DRAM1: variants seen among roughly 807,000 people sequenced by gnomAD.
The protein encoded by DRAM1 is DNA damage regulated autophagy modulator 1, also known as DNA damage-regulated autophagy modulator protein 1.
DRAM1 carries 25 observed loss-of-function variants against 28.5 expected under a neutral mutation model. The ratio of observed to expected loss-of-function variants is 0.88; its 90% CI spans 0.64 to 1.23. The LOEUF is 1.23. Ranked by LOEUF, DRAM1 falls within the 50% of genes most tolerant of loss-of-function variation. DRAM1 has a pLI of 0.00. For synonymous variants in DRAM1, 113 were observed against 114.2 expected (o/e 0.99, Z 0.07); for missense variants, 249 against 299.2 (o/e 0.83, Z 1.24).
intron 1 of DRAM1, among the ~76,000 whole-genome samples, chr12:101,893,957 G>T (rs758197732): frequency 6.6e-6 from 1 of 151,340 alleles, no homozygotes; most frequent in African/African-American, 2.4e-5. Flanking sequence ...TTGAGACAAG[G>T]TCTCACTCTG....
chr12:101,899,146 A>G (rs952537693), intron 2 of DRAM1, among the ~76,000 whole-genome samples: 1 of 152,096 alleles, frequency 6.6e-6, no homozygotes, highest in Admixed American at 6.6e-5. Context: ...TGTTCATCCT[A>G]CTTGGTAGCA....
chr12:101,907,226 A>G (rs7312471), intron 3 of DRAM1, among the ~76,000 whole-genome samples: 1 of 149,334 alleles, frequency 6.7e-6, no homozygotes. Flanking sequence ...AAAGAAGAAA[A>G]AAGAAGCTGC....
chr12:101,886,814 T>C (rs1872900772), intron 1 of DRAM1, among the ~76,000 whole-genome samples: 2 of 152,218 alleles, frequency 1.3e-5, no homozygotes, highest in South Asian at 2.1e-4. Context: ...TATTAACTGT[T>C]GATCTGTGTA....
At chr12:101,900,542 T>G (rs1873561259) in intron 2 of DRAM1, among the ~76,000 whole-genome samples, 1 of 152,180 alleles carries the variant, frequency 6.6e-6, no homozygotes, top group African/African-American at 2.4e-5. Context: ...CATGCATTTC[T>G]CAGAAGAAGA....
At chr12:101,900,735 A>G (rs1045016831) in intron 2 of DRAM1, among the ~76,000 whole-genome samples, 18 of 152,286 alleles carry the variant, frequency 1.2e-4, no homozygotes, top group East Asian at 3.9e-4. Context: ...GGCTGGAGCA[A>G]TTTGGAGGTG....
chr12:101,877,846 G>T lies in DRAM1; in HGVS notation c.57G>T (p.Ser19=). Residue 19 remains serine, a synonymous_variant, in exon 1 of 7, where the codon TCG becomes TCT. Transcript: ENST00000258534. This position sits in a 1 kb window ranked among gnomAD's most constrained non-coding sequence, Gnocchi z 4.1. The stretch of plus-strand genomic sequence containing the variant: ...TCCCCTTCCTCTTGGTGACCTGGTC[G>T]TCAGCCGCCTTCATTATCTCCTACG... ...AFVPFLLVTW[S]SAAFIISYVV... The T allele has an allele frequency of 1.3e-6, 2 of 1,547,188 alleles. No individual in the cohort carries two copies. The highest frequency in any genetic ancestry group is 1.2e-5 in the South Asian group (1 of 83,596).
chr12:101,887,068 C>G (rs1284172678), intron 1 of DRAM1, among the ~76,000 whole-genome samples: 1 of 148,644 alleles, frequency 6.7e-6, no homozygotes, highest in Non-Finnish European at 1.5e-5. Context: ...TCACTCGAAC[C>G]TGGGAGGCAG....
rs199603403 is a variant in DRAM1 at position 101,914,483 on chromosome 12, TTC to T, written c.579+253_579+254del. Among the ~76,000 whole-genome samples the T allele has an allele frequency of 2.2e-4, 28 of 126,656 alleles. No homozygotes were observed. The South Asian group carries it at 6.1e-3, about 27-fold the overall frequency. 83.1% of individuals were successfully genotyped at this position (126,656 alleles called of 152,430 possible). Reference sequence around the variant, plus strand: ...CTAATTTCTTTCTTTCTTCTTCTTCTTCTTTTTTTTTTTTTTTGAGACAGAGT... The same window carrying T: ...CTAATTTCTTTCTTTCTTCTTCTTCTTTTTTTTTTTTTTTTGAGACAGAGT... On this transcript the variant is annotated intron_variant, in intron 5 of 6. Coordinates refer to ENST00000258534, the MANE Select transcript of DRAM1 (RefSeq NM_018370.3).
At chr12:101,896,059 G>A (rs948988305) in intron 1 of DRAM1, among the ~76,000 whole-genome samples, 1 of 150,518 alleles carries the variant, frequency 6.6e-6, no homozygotes, top group African/African-American at 2.5e-5. Context: ...GCTAATTTTT[G>A]TATTTTTTAG....
intron 1 of DRAM1, among the ~76,000 whole-genome samples, chr12:101,879,719 G>C (rs1356999546): frequency 1.3e-5 from 2 of 152,172 alleles, no homozygotes; most frequent in African/African-American, 4.8e-5. Context: ...TGCTCAGCTG[G>C]GCACAGTGGC....
chr12:101,887,145 C>CAAAAAAA (rs10654713), intron 1 of DRAM1, among the ~76,000 whole-genome samples: 1,586 of 128,934 alleles, frequency 0.012, 26 homozygotes, highest in Non-Finnish European at 0.019. Context: ...AACTCCGTTT[C>CAAAAAAA]AAAAAAAAAA....
At chr12:101,916,172 G>A (rs1048857830) in intron 5 of DRAM1, among the ~76,000 whole-genome samples, 4 of 152,236 alleles carry the variant, frequency 2.6e-5, no homozygotes, top group Non-Finnish European at 4.4e-5. Context: ...GGATGAGTTT[G>A]GTTAGAGTTG....
chr12:101,903,117 C>T (rs182208061), intron 3 of DRAM1, among the ~76,000 whole-genome samples: 23 of 152,200 alleles, frequency 1.5e-4, no homozygotes, highest in African/African-American at 4.8e-4. Flanking sequence ...TAGGGTTTCC[C>T]CATGTTGGCC....
chr12:101,879,720 GC>G (rs1042582699), intron 1 of DRAM1, among the ~76,000 whole-genome samples: 1 of 152,012 alleles, frequency 6.6e-6, no homozygotes, highest in Admixed American at 6.6e-5. Context: ...GCTCAGCTGG[GC>G]ACAGTGGCTC....
At chr12:101,884,258 A>G (rs1241588701) in intron 1 of DRAM1, among the ~76,000 whole-genome samples, 1 of 129,832 alleles carries the variant, frequency 7.7e-6, no homozygotes, top group African/African-American at 3.2e-5. Flanking sequence ...GCGTGGTAGG[A>G]TGCACCTACA....
Position 101,916,886 on chromosome 12 carries a change from T to G in DRAM1, c.579+2654T>G, listed in dbSNP as rs143449532. Reference sequence around the variant, plus strand: ...GGGCAAACAGCCAGTTGTCAATGGCTAAATGTAATACTTTGAAGAATAAAA... The same window carrying G: ...GGGCAAACAGCCAGTTGTCAATGGCGAAATGTAATACTTTGAAGAATAAAA... On this transcript the variant is annotated intron_variant, in intron 5 of 6. Coordinates refer to ENST00000258534, the MANE Select transcript of DRAM1 (RefSeq NM_018370.3). 2.8e-3 allele frequency among the ~76,000 whole-genome samples: 424 copies of G among 152,340 alleles called. 3 individuals are homozygous for G. Among genetic ancestry groups the G allele is most frequent in the African/African-American group, 8.7e-3 (363 of 41,566 alleles).
chr12:101,897,452 C>T (rs187100062), intron 1 of DRAM1, among the ~76,000 whole-genome samples: 1,905 of 151,616 alleles, frequency 0.013, 40 homozygotes, highest in African/African-American at 0.044. Context: ...CCTCCCACCT[C>T]CACCTCCCAA....
At chr12:101,897,077 G>A (rs1038293424) in intron 1 of DRAM1, among the ~76,000 whole-genome samples, 12 of 152,024 alleles carry the variant, frequency 7.9e-5, no homozygotes, top group Non-Finnish European at 1.3e-4. Flanking sequence ...GTGAGCCACC[G>A]TGACCGGCCT....
intron 1 of DRAM1, among the ~76,000 whole-genome samples, chr12:101,880,935 A>G (rs534427300): frequency 4.6e-5 from 7 of 152,124 alleles, no homozygotes; most frequent in Non-Finnish European, 1.0e-4. Flanking sequence ...CCAACACACA[A>G]CAAACATTTG....
Sources: allele counts gnomAD v4.1 joint callset (sites outside exome capture counted in the v4.1 genomes callset), GRCh38; gene constraint gnomAD v4.1.1; non-coding constraint Gnocchi (gnomAD v3.1); transcripts MANE v1.5; gene names NCBI Gene and HGNC (gene_info 2026-07-23, HGNC 2026-07-21).